SCHIP1: variants seen among roughly 807,000 people sequenced by gnomAD.
The protein encoded by SCHIP1 is schwannomin-interacting protein 1.
A neutral mutation model predicts 29.7 loss-of-function variants in SCHIP1; 8 were observed. The ratio of observed to expected loss-of-function variants is 0.27; its 90% confidence interval spans 0.16 to 0.49. The LOEUF is 0.49. Ranked by LOEUF, SCHIP1 falls within the 20% of genes least tolerant of loss-of-function variation. The probability of loss-of-function intolerance (pLI) is 0.99; values close to 1 mark genes in which losing one functional copy is unlikely to be tolerated. For missense variants in SCHIP1, 193 were observed against 294.6 expected (o/e 0.66, Z 2.52); for synonymous variants, 76 against 94.9 (o/e 0.80, Z 1.16).
At chr3:159,478,244 A>T in the SCHIP1 span, among the ~76,000 whole-genome samples, 4 of 152,014 alleles carry the variant, frequency 2.6e-5, no homozygotes, top group Admixed American at 6.6e-5. Flanking sequence ...AACTACTTTG[A>T]GTTGATTTTT....
At chr3:159,348,622 A>G in the SCHIP1 span, among the ~76,000 whole-genome samples, 1 of 152,182 alleles carries the variant, frequency 6.6e-6, no homozygotes, top group African/African-American at 2.4e-5. Context: ...TCGATATTAT[A>G]TATTCCGTCA....
the SCHIP1 span, among the ~76,000 whole-genome samples, chr3:159,492,433 C>T: frequency 6.6e-6 from 1 of 152,160 alleles, no homozygotes; most frequent in East Asian, 1.9e-4. Flanking sequence ...AAAACCACAG[C>T]ACAAGAACTA....
chr3:159,417,057 G>A, the SCHIP1 span, among the ~76,000 whole-genome samples: 1 of 152,184 alleles, frequency 6.6e-6, no homozygotes. Flanking sequence ...AATGAACAGA[G>A]GTTGGGTGTT....
At chr3:159,421,086 T>C in the SCHIP1 span, among the ~76,000 whole-genome samples, 1,184 of 152,350 alleles carry the variant, frequency 7.8e-3, 16 homozygotes, top group African/African-American at 0.027. Flanking sequence ...GACCAAGATA[T>C]TGAAAGTTGC....
At chr3:159,397,086 G>T in the SCHIP1 span, among the ~76,000 whole-genome samples, 1 of 151,022 alleles carries the variant, frequency 6.6e-6, no homozygotes, top group African/African-American at 2.4e-5. Context: ...TTCCATTGCT[G>T]ATACCCTTTC....
chr3:159,680,169 A>G, the SCHIP1 span, among the ~76,000 whole-genome samples: 74 of 152,220 alleles, frequency 4.9e-4, no homozygotes, highest in Middle Eastern at 3.4e-3. Flanking sequence ...GGAACACAAT[A>G]GGCACGCAAA....
chr3:159,622,293 C>A, the SCHIP1 span, among the ~76,000 whole-genome samples: 17 of 152,332 alleles, frequency 1.1e-4, no homozygotes, highest in African/African-American at 3.4e-4. Flanking sequence ...AATGTCAACA[C>A]ATCTGACTGC....
chr3:159,331,983 T>TC, the SCHIP1 span, among the ~76,000 whole-genome samples: 1 of 152,184 alleles, frequency 6.6e-6, no homozygotes, highest in Admixed American at 6.5e-5. Flanking sequence ...TCCTGGCTCA[T>TC]CACCATAGCT....
the SCHIP1 span, among the ~76,000 whole-genome samples, chr3:159,430,557 G>GGA: frequency 4.6e-5 from 7 of 151,954 alleles, no homozygotes; most frequent in African/African-American, 9.7e-5. Context: ...ATAGAAAAAG[G>GGA]GAGAGAGAGA....
the SCHIP1 span, chr3:159,275,031 T>C: frequency 1.0e-6 from 1 of 978,660 alleles, no homozygotes. Context: ...TGGCATTTGA[T>C]TTTGGGATAA....
the SCHIP1 span, among the ~76,000 whole-genome samples, chr3:159,350,852 T>C: frequency 6.6e-6 from 1 of 152,164 alleles, no homozygotes; most frequent in South Asian, 2.1e-4. Flanking sequence ...ATTGCATCTT[T>C]TGACTTATTC....
the SCHIP1 span, among the ~76,000 whole-genome samples, chr3:159,357,887 G>A: frequency 2.0e-5 from 3 of 152,172 alleles, no homozygotes; most frequent in African/African-American, 7.2e-5. Flanking sequence ...GGGAATAAAT[G>A]CAGGAAGTGC....
At chr3:159,418,293 C>T in the SCHIP1 span, among the ~76,000 whole-genome samples, 1 of 152,118 alleles carries the variant, frequency 6.6e-6, no homozygotes, top group Admixed American at 6.5e-5. Context: ...AACAACACTG[C>T]CAAGGACATA....
At chr3:159,475,379 C>T in the SCHIP1 span, among the ~76,000 whole-genome samples, 1 of 152,008 alleles carries the variant, frequency 6.6e-6, no homozygotes, top group African/African-American at 2.4e-5. Flanking sequence ...TAGACAAATC[C>T]ATAAAGACAA....
the SCHIP1 span, among the ~76,000 whole-genome samples, chr3:159,347,390 T>A: frequency 6.6e-6 from 1 of 152,174 alleles, no homozygotes; most frequent in East Asian, 1.9e-4. Flanking sequence ...TCCGTGGATG[T>A]GTGACTTGGG....
chr3:159,314,045 A>G, the SCHIP1 span, among the ~76,000 whole-genome samples: 1 of 152,196 alleles, frequency 6.6e-6, no homozygotes, highest in Non-Finnish European at 1.5e-5. Flanking sequence ...ACTTGTATAA[A>G]GTGATATCTG....
chr3:159,543,436 C>T, the SCHIP1 span, among the ~76,000 whole-genome samples: 1 of 136,262 alleles, frequency 7.3e-6, no homozygotes, highest in African/African-American at 2.7e-5. Context: ...TCTCATTGTT[C>T]AATTCCCACC....
the SCHIP1 span, among the ~76,000 whole-genome samples, chr3:159,367,168 G>A: frequency 9.2e-5 from 14 of 152,142 alleles, no homozygotes; most frequent in East Asian, 7.8e-4. Flanking sequence ...CAAGGCGGGC[G>A]GATCACTTGA....
At chr3:159,427,115 G>A in the SCHIP1 span, among the ~76,000 whole-genome samples, 8 of 152,122 alleles carry the variant, frequency 5.3e-5, no homozygotes, top group African/African-American at 1.9e-4. Context: ...GCAAAAACTG[G>A]AAGCATTCCC....
Sources: gnomAD v4.1 joint callset for allele counts (sites outside exome capture counted in the v4.1 genomes callset) on GRCh38, gnomAD v4.1.1 for gene constraint, MANE v1.5 for transcripts, NCBI Gene and HGNC (gene_info 2026-07-23, HGNC 2026-07-21) for gene names.